The following TFCP2L1 variants were observed in gnomAD, a reference collection of about 807,000 sequenced individuals.
TFCP2L1 encodes transcription factor CP2-like protein 1.
TFCP2L1 carries 12 observed loss-of-function variants against 72.2 expected under a neutral mutation model. The ratio of observed to expected loss-of-function variants is 0.17; its 90% CI spans 0.11 to 0.27. The LOEUF is 0.27. Ranked by LOEUF, TFCP2L1 falls within the 10% of genes least tolerant of loss-of-function variation. The probability of loss-of-function intolerance (pLI) is 1.00; values close to 1 mark genes in which losing one functional copy is unlikely to be tolerated. For synonymous variants in TFCP2L1, 260 were observed against 251.0 expected, an observed-to-expected ratio of 1.04 and a Z score of -0.34; for missense variants, 488 against 624.6, an observed-to-expected ratio of 0.78 and a Z score of 2.33.
chr2:121,261,670 C>A (rs1344234556), intron 2 of TFCP2L1, among the ~76,000 whole-genome samples: 1 of 152,040 alleles, frequency 6.6e-6, no homozygotes, highest in Non-Finnish European at 1.5e-5. Flanking sequence ...GCAACCATTA[C>A]AATAATAACT....
At chr2:121,264,153 A>G (rs987567731) in intron 2 of TFCP2L1, among the ~76,000 whole-genome samples, 2 of 152,152 alleles carry the variant, frequency 1.3e-5, no homozygotes, top group African/African-American at 4.8e-5. Context: ...GGCCACATCA[A>G]TTGACCCCAG....
chr2:121,280,319 T>C (rs745316987), intron 2 of TFCP2L1, among the ~76,000 whole-genome samples: 1 of 152,118 alleles, frequency 6.6e-6, no homozygotes, highest in Non-Finnish European at 1.5e-5. Context: ...CAGAGGACTT[T>C]TGTCTAGCAT....
chr2:121,224,296 T>A lies in TFCP2L1; in HGVS notation c.*45A>T. 1 of 1,610,890 alleles carries A rather than the reference T, an allele frequency of 6.2e-7. No homozygotes were observed. The highest frequency in any genetic ancestry group is 8.5e-7 in the Non-Finnish European group (1 of 1,178,096). On this transcript the variant is annotated 3_prime_UTR_variant, in exon 15 of 15. Transcript: ENST00000263707. ...GGGGCAATGTCTACATCCACGGGGA[T>A]CCACAGGGCTGGGAGCTGGAGACAG...
chr2:121,243,545 CA>C (rs1254943506), intron 6 of TFCP2L1, among the ~76,000 whole-genome samples: 3 of 152,152 alleles, frequency 2.0e-5, no homozygotes, highest in Non-Finnish European at 4.4e-5. Context: ...AAATACTTCA[CA>C]GTATTTACAG....
At chr2:121,283,564 T>C (rs1687306949) in intron 1 of TFCP2L1, among the ~76,000 whole-genome samples, 1 of 152,182 alleles carries the variant, frequency 6.6e-6, no homozygotes, top group East Asian at 1.9e-4. Context: ...AAAAGGTACC[T>C]GAGCTACTCC....
chr2:121,276,134 G>A (rs566538906), intron 2 of TFCP2L1, among the ~76,000 whole-genome samples: 7 of 152,202 alleles, frequency 4.6e-5, no homozygotes, highest in African/African-American at 1.7e-4. Flanking sequence ...TGTGACATAG[G>A]TATACATGTG....
chr2:121,282,748 G>A (rs1488648723), intron 1 of TFCP2L1, among the ~76,000 whole-genome samples: 8 of 152,044 alleles, frequency 5.3e-5, no homozygotes, highest in Non-Finnish European at 4.4e-5. Context: ...CCAATTAGCT[G>A]ACCCCACTTG....
intron 2 of TFCP2L1, among the ~76,000 whole-genome samples, chr2:121,262,565 A>C (rs1206456609): frequency 6.6e-6 from 1 of 152,252 alleles, no homozygotes; most frequent in Non-Finnish European, 1.5e-5. Flanking sequence ...ATGAAGACTC[A>C]GGAGACATGG....
intron 4 of TFCP2L1, 77 bp from the exon 5 acceptor site, chr2:121,248,347 G>T: frequency 8.2e-7 from 1 of 1,221,690 alleles, no homozygotes. Context: ...CCCTGTTACA[G>T]GTCCCAATTC....
At position 121,235,234 on chromosome 2, in the gene TFCP2L1, C is replaced by T. The variant is rs766606576; in HGVS notation, c.1081G>A (p.Ala361Thr). ...GPADGIRLFN[A>T]IKGRNVRPKM... is the part of the protein sequence containing the mutation. Reference sequence around the variant, plus strand: ...ACCAACACCTACCGGCCTTTGATGGCGTTGAAGAGCCGGATCCCATCTGCG... The same window carrying T: ...ACCAACACCTACCGGCCTTTGATGGTGTTGAAGAGCCGGATCCCATCTGCG... Residue 361 changes from alanine (A) to threonine (T), a missense_variant, in exon 11 of 15, where the codon GCC (alanine) becomes ACC (threonine). Ala to Thr is a moderately conservative substitution (Grantham distance 58). Coordinates refer to ENST00000263707, the MANE Select transcript of TFCP2L1 (RefSeq NM_014553.3). 9.3e-6 allele frequency: 15 copies of T among 1,614,058 alleles called. No homozygotes were observed. Among genetic ancestry groups the T allele is most frequent in the Middle Eastern group, 1.6e-4 (1 of 6,084 alleles).
At chr2:121,269,918 A>AAAAAAAAAAAAAAAAAAACAATAT in intron 2 of TFCP2L1, among the ~76,000 whole-genome samples, 1 of 115,182 alleles carries the variant, frequency 8.7e-6, no homozygotes, top group Non-Finnish European at 1.7e-5. Context: ...AAAAAAAAAA[A>AAAAAAAAAAAAAAAAAAACAATAT]ATATATATAT....
At chr2:121,230,785 A>G (rs756838757) in intron 13 of TFCP2L1, among the ~76,000 whole-genome samples, 5 of 151,710 alleles carry the variant, frequency 3.3e-5, no homozygotes, top group Admixed American at 2.0e-4. Context: ...ACAACCAACA[A>G]CAACAAAAGG....
intron 1 of TFCP2L1, among the ~76,000 whole-genome samples, chr2:121,281,563 C>T (rs988665827): frequency 1.3e-5 from 2 of 152,210 alleles, no homozygotes; most frequent in Non-Finnish European, 2.9e-5. Context: ...CAGAAATCCT[C>T]TCCATGCCAG....
rs1263724037 is a variant in TFCP2L1 at position 121,239,583 on chromosome 2, G to A, written c.835C>T (p.Pro279Ser). The A allele has an allele frequency of 6.2e-7, 1 of 1,614,194 alleles. No homozygotes were observed. The highest frequency in any genetic ancestry group is 1.1e-5 in the South Asian group (1 of 91,086). Residue 279 changes from proline to serine, a missense_variant, in exon 8 of 15, where the codon CCA becomes TCA. Around this residue, in one of 3 missense-constraint regions of TFCP2L1, gnomAD observed 286 missense variants for 329.0 expected, o/e 0.87. Coordinates refer to ENST00000263707, the MANE Select transcript of TFCP2L1 (RefSeq NM_014553.3). ...CCTTCGCCGAGGCCAAAGCTGTTTG[G>A]AGAACCATTGTAGCTTGGGGACGGG... ...SAPSPSYNGS[P>S]NSFGLGEGNA...
chr2:121,263,687 G>C lies in TFCP2L1; in HGVS notation c.215-14040C>G, dbSNP rs532717782. ...GATATAAACAGGTACTATCTCTTTG[G>C]AAGGTGATTTGACAAGGCCTACAGA... On this transcript the variant is annotated intron_variant, in intron 2 of 14. Transcript: ENST00000263707. 2.0e-5 allele frequency among the ~76,000 whole-genome samples: 3 copies of C among 152,280 alleles called. 1 individual carries two copies. The South Asian group carries it at 6.2e-4, about 32-fold the overall frequency.
At chr2:121,229,983 A>G (rs1686107751) in intron 13 of TFCP2L1, among the ~76,000 whole-genome samples, 1 of 152,154 alleles carries the variant, frequency 6.6e-6, no homozygotes. Flanking sequence ...TCGGAGTCTT[A>G]ATCCACAAAT....
At chr2:121,251,239 G>C (rs1455538967) in intron 2 of TFCP2L1, among the ~76,000 whole-genome samples, 1 of 151,738 alleles carries the variant, frequency 6.6e-6, no homozygotes, top group Admixed American at 6.6e-5. Flanking sequence ...CTGGGCGAGA[G>C]AGTGAGACTT....
At chr2:121,251,587 G>A (rs970663666) in intron 2 of TFCP2L1, among the ~76,000 whole-genome samples, 1 of 152,170 alleles carries the variant, frequency 6.6e-6, no homozygotes, top group Non-Finnish European at 1.5e-5. Flanking sequence ...TAGACAGGAG[G>A]AATAACTTCA....
Position 121,237,611 on chromosome 2 carries a change from G to A in TFCP2L1, c.1003+12C>T, listed in dbSNP as rs199890197. 55 of 1,613,998 alleles carry A rather than the reference G, an allele frequency of 3.4e-5. No homozygotes were observed. Among genetic ancestry groups the A allele is most frequent in the South Asian group, 3.2e-4 (29 of 91,074 alleles). Reference sequence around the variant, plus strand: ...TACTCATGGGCTTTAAACACAGTTCGGAGATGCTCACCTGAGAAGCTGGCA... The same window carrying A: ...TACTCATGGGCTTTAAACACAGTTCAGAGATGCTCACCTGAGAAGCTGGCA... On this transcript the variant is annotated intron_variant, in intron 10 of 14. Coordinates refer to ENST00000263707, the MANE Select transcript of TFCP2L1 (RefSeq NM_014553.3).
Sources: gnomAD v4.1 joint callset for allele counts (sites outside exome capture counted in the v4.1 genomes callset) on GRCh38, gnomAD v4.1.1 for gene constraint, gnomAD v4.1.1 regional missense constraint, MANE v1.5 for transcripts, NCBI Gene and HGNC (gene_info 2026-07-23, HGNC 2026-07-21) for gene names.